AGMO: variants seen among roughly 807,000 people sequenced by gnomAD.
AGMO encodes alkylglycerol monooxygenase, also known as glyceryl-ether monooxygenase.
AGMO carries 75 observed loss-of-function variants against 60.2 expected under a neutral mutation model. The ratio of observed to expected loss-of-function variants is 1.25; its 90% CI spans 1.03 to 1.51. The LOEUF (loss-of-function observed/expected upper bound fraction) is 1.51, where lower values mean the gene tolerates loss of function less well. Ranked by LOEUF, AGMO falls within the 40% of genes most tolerant of loss-of-function variation. The pLI is 0.00. For synonymous variants in AGMO, 261 were observed against 177.1 expected (o/e 1.47, Z -3.76); for missense variants, 763 against 525.5 (o/e 1.45, Z -4.42).
the AGMO span, among the ~76,000 whole-genome samples, chr7:15,193,971 CTAT>C: frequency 6.6e-6 from 1 of 152,132 alleles, no homozygotes; most frequent in East Asian, 1.9e-4. Flanking sequence ...TCTCTAAATA[CTAT>C]TATTTTTATG....
In AGMO at chr7:15,201,468, G is replaced by A. The variant is rs902387801; in HGVS notation, c.1264-109C>T. ...AGGAAAATGAACATGGACATTTTAG[G>A]GAGTCAAGTTATTAAATTAAATCTA... is the stretch of plus-strand genomic sequence containing the variant. On this transcript the variant is annotated intron_variant, in intron 12 of 12. Coordinates refer to ENST00000342526, the MANE Select transcript of AGMO (RefSeq NM_001004320.2). The A allele has an allele frequency of 1.3e-5, 9 of 695,336 alleles. No homozygotes were observed. The African/African-American group carries it at 1.6e-4, about 13-fold the overall frequency. 43.1% of individuals were successfully genotyped at this position (695,336 alleles called of 1,614,324 possible). A position where few individuals can be genotyped will look rare whatever the true frequency, so the allele number is the denominator to read the frequency against.
intron 12 of AGMO, among the ~76,000 whole-genome samples, chr7:15,208,433 T>C (rs531697800): frequency 6.6e-6 from 1 of 152,306 alleles, no homozygotes; most frequent in South Asian, 2.1e-4. Flanking sequence ...TTACTTTTTA[T>C]GGATATGAGA....
At chr7:15,203,779 A>G (rs986824086) in intron 12 of AGMO, among the ~76,000 whole-genome samples, 3 of 152,184 alleles carry the variant, frequency 2.0e-5, no homozygotes, top group African/African-American at 7.2e-5. Flanking sequence ...ACTACTAAAT[A>G]TCAGAGCTAG....
At chr7:15,295,498 G>C (rs531606477) in intron 12 of AGMO, among the ~76,000 whole-genome samples, 1 of 152,092 alleles carries the variant, frequency 6.6e-6, no homozygotes, top group South Asian at 2.1e-4. Context: ...GAAGAAATGT[G>C]GGTGATAGTG....
chr7:15,531,572 C>CT (rs1473301900), intron 3 of AGMO, among the ~76,000 whole-genome samples: 1 of 72,940 alleles, frequency 1.4e-5, no homozygotes, highest in Non-Finnish European at 2.6e-5. Flanking sequence ...TCTATATATT[C>CT]CATATATATA....
chr7:15,523,716 A>G (rs1784057484), intron 3 of AGMO, among the ~76,000 whole-genome samples: 1 of 152,120 alleles, frequency 6.6e-6, no homozygotes, highest in Non-Finnish European at 1.5e-5. Flanking sequence ...GGATAGCATT[A>G]GGAGAAATAC....
chr7:15,364,779 G>C (rs1038697267), intron 12 of AGMO, among the ~76,000 whole-genome samples: 4 of 152,014 alleles, frequency 2.6e-5, no homozygotes, highest in African/African-American at 9.7e-5. Context: ...CTGATGCTAA[G>C]AGCGGGGGAT....
intron 3 of AGMO, among the ~76,000 whole-genome samples, chr7:15,534,161 C>G (rs573601014): frequency 6.6e-6 from 1 of 151,896 alleles, no homozygotes; most frequent in South Asian, 2.1e-4. Context: ...TTTTTCAAGT[C>G]ATTTCCTAGG....
At chr7:15,415,723 T>C (rs1780747628) in intron 5 of AGMO, among the ~76,000 whole-genome samples, 1 of 152,154 alleles carries the variant, frequency 6.6e-6, no homozygotes, top group Admixed American at 6.5e-5. Context: ...GCTAGTGTAC[T>C]GTGAAAACTC....
chr7:15,513,354 G>A (rs1407203201), intron 3 of AGMO, among the ~76,000 whole-genome samples: 2 of 152,028 alleles, frequency 1.3e-5, no homozygotes, highest in Non-Finnish European at 2.9e-5. Context: ...TTATCTGTTC[G>A]GGCTGGTGTT....
intron 2 of AGMO, among the ~76,000 whole-genome samples, chr7:15,553,475 A>G (rs1047540708): frequency 1.3e-5 from 2 of 152,238 alleles, no homozygotes; most frequent in East Asian, 1.9e-4. Flanking sequence ...TCAGGCAGTC[A>G]TTCAATGAAT....
At chr7:15,163,276 A>T in the AGMO span, among the ~76,000 whole-genome samples, 1 of 152,144 alleles carries the variant, frequency 6.6e-6, no homozygotes, top group Admixed American at 6.6e-5. Flanking sequence ...AAACAGAGAT[A>T]ATTTGACTTC....
intron 5 of AGMO, among the ~76,000 whole-genome samples, chr7:15,402,065 A>T (rs970502207): frequency 2.0e-5 from 3 of 152,144 alleles, no homozygotes; most frequent in African/African-American, 7.2e-5. Context: ...TACATTTATT[A>T]TCTGATATGA....
At chr7:15,277,092 G>A (rs570543311) in intron 12 of AGMO, among the ~76,000 whole-genome samples, 10 of 152,010 alleles carry the variant, frequency 6.6e-5, no homozygotes, top group East Asian at 3.9e-4. Flanking sequence ...TGGATTACCC[G>A]AGATCAGGAG....
chr7:15,332,376 G>C (rs932367757), intron 12 of AGMO, among the ~76,000 whole-genome samples: 11 of 152,128 alleles, frequency 7.2e-5, no homozygotes, highest in Admixed American at 2.6e-4. Flanking sequence ...GTAACATGGA[G>C]ACTAAAGGTC....
At chr7:15,185,935 C>G in the AGMO span, among the ~76,000 whole-genome samples, 1 of 152,150 alleles carries the variant, frequency 6.6e-6, no homozygotes, top group Non-Finnish European at 1.5e-5. Flanking sequence ...TAATGATTTT[C>G]AAAACTCTGT....
intron 6 of AGMO, among the ~76,000 whole-genome samples, chr7:15,392,156 G>A (rs189758307): frequency 5.4e-3 from 824 of 151,898 alleles, no homozygotes; most frequent in Admixed American, 6.9e-3. Flanking sequence ...TGCAAGCTCT[G>A]CCTCCCGGGT....
At chr7:15,336,104 C>T (rs1308079669) in intron 12 of AGMO, among the ~76,000 whole-genome samples, 3 of 152,102 alleles carry the variant, frequency 2.0e-5, no homozygotes, top group African/African-American at 7.2e-5. Flanking sequence ...ACTATTCCTT[C>T]TATTTATTTA....
chr7:15,180,124 C>A, the AGMO span, among the ~76,000 whole-genome samples: 1 of 152,172 alleles, frequency 6.6e-6, no homozygotes, highest in Non-Finnish European at 1.5e-5. Flanking sequence ...CCCCTTCTAT[C>A]CACAGTAATC....
Sources: gnomAD v4.1 joint callset for allele counts (sites outside exome capture counted in the v4.1 genomes callset) on GRCh38, gnomAD v4.1.1 for gene constraint, MANE v1.5 for transcripts, NCBI Gene and HGNC (gene_info 2026-07-23, HGNC 2026-07-21) for gene names.